Variants in STX5 observed in about 807,000 individuals in gnomAD.
The protein encoded by STX5 is syntaxin-5.
STX5 carries 15 observed loss-of-function variants against 42.9 expected under a neutral mutation model. That is an observed-to-expected ratio of 0.35 (90% CI 0.23 to 0.54). The LOEUF (loss-of-function observed/expected upper bound fraction) is 0.54. STX5 is among the 20% of genes least tolerant of loss of function. The pLI, the probability that STX5 is intolerant of heterozygous loss-of-function variation, is 0.91. For missense variants in STX5, 430 were observed against 455.0 expected (o/e 0.95, Z 0.50); for synonymous variants, 184 against 173.2 (o/e 1.06, Z -0.49).
At chr11:62,828,475 C>G (rs2084819285) in intron 2 of STX5, among the ~76,000 whole-genome samples, 1 of 152,074 alleles carries the variant, frequency 6.6e-6, no homozygotes, top group Non-Finnish European at 1.5e-5. Context: ...GCCTGTAATC[C>G]CAGCACTTTG....
At chr11:62,821,897 G>C (rs534174542) in intron 10 of STX5, among the ~76,000 whole-genome samples, 1 of 152,078 alleles carries the variant, frequency 6.6e-6, no homozygotes, top group East Asian at 1.9e-4. Context: ...GTGGTCTCAC[G>C]CACTTGCAGT....
chr11:62,812,448 G>A (rs895457491), intron 10 of STX5, among the ~76,000 whole-genome samples: 2 of 151,490 alleles, frequency 1.3e-5, no homozygotes, highest in African/African-American at 2.4e-5. Flanking sequence ...GTCTCACTCT[G>A]TTGCCCAGGT....
At chr11:62,828,164 G>T (rs2084816265) in intron 2 of STX5, among the ~76,000 whole-genome samples, 1 of 151,676 alleles carries the variant, frequency 6.6e-6, no homozygotes, top group African/African-American at 2.4e-5. Context: ...TCCCAGGTTG[G>T]AATATAGTAG....
intron 5 of STX5, among the ~76,000 whole-genome samples, chr11:62,826,489 A>T (rs2084797139): frequency 6.8e-6 from 1 of 146,426 alleles, no homozygotes; most frequent in Non-Finnish European, 1.5e-5. Context: ...CCCAGGAGAC[A>T]GAGGTTGCAG....
In STX5 at chr11:62,807,594, C is replaced by T. The variant is rs757494934; in HGVS notation, c.943G>A (p.Val315Ile). ...AGGATCTCTGAATGGGCGGCCTCAA[C>T]GTCCAGCTGGGCTCCTAGCACGTTC... is the stretch of plus-strand genomic sequence containing the variant. ...DENVLGAQLD[V>I]EAAHSEILKY... Residue 315 changes from valine to isoleucine, a missense_variant, in exon 11 of 11, where the codon GTT becomes ATT. Coordinates refer to ENST00000294179, the MANE Select transcript of STX5 (RefSeq NM_003164.5). The T allele has an allele frequency of 7.4e-6, 12 of 1,614,014 alleles. No individual in the cohort carries two copies. Among genetic ancestry groups the T allele is most frequent in the South Asian group, 5.5e-5 (5 of 91,078 alleles).
chr11:62,831,069 C>G lies in STX5; in HGVS notation c.175G>C (p.Asp59His), dbSNP rs1355199803. ...GCAGACAGAAACTCCTGGGTCCGAT[C>G]CCGGCAGGACATGGTGTCGGGAGGG... The part of the protein sequence containing the change: ...PPPPDTMSCR[D>H]RTQEFLSACK... Residue 59 changes from aspartate (D) to histidine (H), a missense_variant, in exon 2 of 11, where the codon GAT becomes CAT. Physicochemically the swap from Asp to His is moderately conservative, Grantham distance 81. Transcript: ENST00000294179. 1 of 1,556,332 alleles carries G rather than the reference C, an allele frequency of 6.4e-7. No homozygotes were observed. The highest frequency in any genetic ancestry group is 1.9e-5 in the Admixed American group (1 of 51,766).
chr11:62,807,563 T>G lies in STX5; in HGVS notation c.974A>C (p.Tyr325Ser), dbSNP rs2084566298. ...VEAAHSEILK[Y>S]FQSVTSNRWL... The stretch of plus-strand genomic sequence containing the variant: ...CCGGTTGGAGGTGACAGACTGGAAG[T>G]ACTTGAGGATCTCTGAATGGGCGGC... Residue 325 changes from tyrosine (Y) to serine (S), a missense_variant, in exon 11 of 11, where the codon TAC becomes TCC. Physicochemically the swap from Tyr to Ser is moderately radical, Grantham distance 144 (BLOSUM62 -2). Coordinates refer to ENST00000294179, the MANE Select transcript of STX5 (RefSeq NM_003164.5). 1 of 1,614,092 alleles carries G rather than the reference T, an allele frequency of 6.2e-7. No individual in the cohort carries two copies. Among genetic ancestry groups the G allele is most frequent in the Non-Finnish European group, 8.5e-7 (1 of 1,179,998 alleles).
At chr11:62,815,849 T>A (rs1254292780) in intron 10 of STX5, 1 of 152,090 alleles carries the variant, frequency 6.6e-6, no homozygotes, top group South Asian at 2.1e-4. Context: ...GTTTTTATTT[T>A]TTTATTTAAT....
At chr11:62,817,980 G>C (rs1052038092) in intron 10 of STX5, among the ~76,000 whole-genome samples, 3 of 151,884 alleles carry the variant, frequency 2.0e-5, no homozygotes, top group African/African-American at 7.3e-5. Context: ...ACACATAAAA[G>C]AAACTCAGAG....
intron 2 of STX5, 96 bp from the exon 3 acceptor site, chr11:62,827,727 C>T: frequency 8.0e-7 from 1 of 1,243,596 alleles, no homozygotes; most frequent in South Asian, 1.3e-5. Context: ...ATCTCTAGTG[C>T]TGGTGGCATC....
rs767636794 is a variant in STX5, at chr11:62,824,304, G to C, written c.787-17C>G. On this transcript the variant is annotated splice_polypyrimidine_tract_variant and intron_variant, in intron 9 of 10. Coordinates refer to ENST00000294179, the MANE Select transcript of STX5 (RefSeq NM_003164.5). ...GTAGGAATCCTTCAGGAGAGGGAGA[G>C]AGCACATGAGCACCAACAGCTTCTT... 1 of 1,614,168 alleles carries C rather than the reference G, an allele frequency of 6.2e-7. No homozygotes were observed. Among genetic ancestry groups the C allele is most frequent in the African/African-American group, 1.3e-5 (1 of 75,036 alleles).
rs374083980 is a variant in STX5 at position 62,807,042 on chromosome 11, A to C, written c.*427T>G. 1.8e-4 allele frequency: 28 copies of C among 159,736 alleles called. No homozygotes were observed. The highest frequency in any genetic ancestry group is 3.2e-3 in the Middle Eastern group (1 of 310). The allele number at this position is 159,736 out of a possible 1,614,324, so 9.9% of individuals were successfully genotyped here. A position where few individuals can be genotyped will look rare whatever the true frequency, so the allele number is the denominator to read the frequency against. ...CTCACATGGTGAAAGAGGAAGAAAG[A>C]GGTCAATTGGGAAAATTGGTCCCTG... On this transcript the variant is annotated 3_prime_UTR_variant, in exon 11 of 11. Transcript: ENST00000294179.
intron 10 of STX5, among the ~76,000 whole-genome samples, chr11:62,811,372 G>C (rs1460739007): frequency 6.6e-6 from 1 of 152,106 alleles, no homozygotes; most frequent in Admixed American, 6.6e-5. Flanking sequence ...CAATCCGCTT[G>C]CTTCTTCTTA....
At chr11:62,812,072 CCTT>C (rs1488448711) in intron 10 of STX5, among the ~76,000 whole-genome samples, 12 of 143,556 alleles carry the variant, frequency 8.4e-5, no homozygotes, top group Non-Finnish European at 1.8e-4. Flanking sequence ...AACTCAAATA[CCTT>C]TTTTTTTTTT....
chr11:62,810,453 AAAAAACAAATAT>A (rs1314512384), intron 10 of STX5, among the ~76,000 whole-genome samples: 1 of 152,194 alleles, frequency 6.6e-6, no homozygotes, highest in Non-Finnish European at 1.5e-5. Context: ...AAAGAAAAGA[AAAAAACAAATAT>A]GAAAACAAAA....
At chr11:62,810,661 G>A (rs1282200003) in intron 10 of STX5, among the ~76,000 whole-genome samples, 5 of 152,288 alleles carry the variant, frequency 3.3e-5, no homozygotes, top group African/African-American at 9.6e-5. Flanking sequence ...ATTCTCAAGT[G>A]TCACAACCAG....
chr11:62,812,081 T>C (rs1565207365), intron 10 of STX5, among the ~76,000 whole-genome samples: 1 of 149,406 alleles, frequency 6.7e-6, no homozygotes, highest in Non-Finnish European at 1.5e-5. Context: ...ACCTTTTTTT[T>C]TTTTTTTTTT....
chr11:62,822,761 G>A (rs945099356), intron 10 of STX5, among the ~76,000 whole-genome samples: 12 of 147,626 alleles, frequency 8.1e-5, no homozygotes, highest in Non-Finnish European at 1.6e-4. Context: ...TCCCTATTAG[G>A]ATACACGTTC....
chr11:62,811,658 C>CTTTTTTTTTTTT lies in STX5; in HGVS notation c.909-4042_909-4031dup, dbSNP rs1280875296. Among the ~76,000 whole-genome samples, 3 of 143,090 alleles carry CTTTTTTTTTTTT rather than the reference C, an allele frequency of 2.1e-5. No individual in the cohort carries two copies. The Admixed American group carries it at 2.1e-4, about 10-fold the overall frequency. The allele number at this position is 143,090 out of a possible 152,430, so 93.9% of individuals were successfully genotyped here. A position where few individuals can be genotyped will look rare whatever the true frequency, so the allele number is the denominator to read the frequency against. ...GTACCTACTCTGAGTTCTCTCATCCCTTTTTTTTTTTTTTTAATAGACACG... is the reference window on the plus strand; with the variant it reads ...GTACCTACTCTGAGTTCTCTCATCCCTTTTTTTTTTTTTTTTTTTTTTTTTTTAATAGACACG... On this transcript the variant is annotated intron_variant, in intron 10 of 10. Coordinates refer to ENST00000294179, the MANE Select transcript of STX5 (RefSeq NM_003164.5).
Sources: allele counts gnomAD v4.1 joint callset (sites outside exome capture counted in the v4.1 genomes callset), GRCh38; gene constraint gnomAD v4.1.1; transcripts MANE v1.5; gene names NCBI Gene and HGNC (gene_info 2026-07-23, HGNC 2026-07-21).